SLCO6A1: variants seen among roughly 807,000 people sequenced by gnomAD.
The protein encoded by SLCO6A1 is solute carrier organic anion transporter family member 6A1.
SLCO6A1 carries 65 observed loss-of-function variants against 72.7 expected under a neutral mutation model. That is an observed-to-expected ratio of 0.89 (90% CI 0.73 to 1.10). The LOEUF (loss-of-function observed/expected upper bound fraction) is 1.10. SLCO6A1 is among the 50% of genes least tolerant of loss of function. SLCO6A1 has a pLI of 0.00. For synonymous variants in SLCO6A1, 314 were observed against 298.2 expected (o/e 1.05, Z -0.55); for missense variants, 874 against 872.6 (o/e 1.00, Z -0.02).
At chr5:102,447,294 T>C (rs1329680598) in intron 6 of SLCO6A1, among the ~76,000 whole-genome samples, 1 of 152,194 alleles carries the variant, frequency 6.6e-6, no homozygotes, top group Non-Finnish European at 1.5e-5. Context: ...TGTTTGCATT[T>C]ATGTTCATCA....
At chr5:102,446,761 T>TTTTTTGG (rs1465245297) in intron 6 of SLCO6A1, among the ~76,000 whole-genome samples, 20 of 151,918 alleles carry the variant, frequency 1.3e-4, no homozygotes, top group African/African-American at 4.6e-4. Context: ...ACGTTTTTTG[T>TTTTTTGG]TTTTTGTTTT....
chr5:102,451,312 C>T (rs562276984), intron 6 of SLCO6A1, among the ~76,000 whole-genome samples: 4 of 152,272 alleles, frequency 2.6e-5, no homozygotes, highest in African/African-American at 7.2e-5. Flanking sequence ...GTTGGCTGTG[C>T]TAGCATCCCA....
rs1389211298 is a variant in SLCO6A1, at chr5:102,477,666, T to C, written c.802+10A>G. Reference sequence around the variant, plus strand: ...AATGGGTCAATCGTAATAGAGGGGGTAAAACTTGCCTAAATAGATACCAGC... The same window carrying C: ...AATGGGTCAATCGTAATAGAGGGGGCAAAACTTGCCTAAATAGATACCAGC... On this transcript the variant is annotated intron_variant, in intron 3 of 13. Coordinates refer to ENST00000506729, the MANE Select transcript of SLCO6A1 (RefSeq NM_173488.5). 8 of 1,604,632 alleles carry C rather than the reference T, an allele frequency of 5.0e-6. No homozygotes were observed. In the African/African-American group the frequency reaches 6.7e-5, roughly 13 times the overall value.
intron 1 of SLCO6A1, among the ~76,000 whole-genome samples, chr5:102,485,063 C>T (rs944924228): frequency 2.6e-5 from 4 of 151,730 alleles, no homozygotes; most frequent in African/African-American, 9.7e-5. Flanking sequence ...ACCAGCCTAA[C>T]CAGCATGGAG....
chr5:102,459,795 G>T lies in SLCO6A1; in HGVS notation c.900-18C>A. 61 of 1,338,530 alleles carry T rather than the reference G, an allele frequency of 4.6e-5. No homozygotes were observed. The highest frequency in any genetic ancestry group is 9.1e-5 in the East Asian group (3 of 33,102). The allele number at this position is 1,338,530 out of a possible 1,614,324, so 82.9% of individuals were successfully genotyped here. ...CTGTAGTGCTTTAATAAAGAAAAGT[G>T]AAAAAAAAAAGCAACTTTAGGTATT... On this transcript the variant is annotated intron_variant, in intron 4 of 13. Coordinates refer to ENST00000506729, the MANE Select transcript of SLCO6A1 (RefSeq NM_173488.5).
At chr5:102,408,455 CTG>C (rs1042948734) in intron 9 of SLCO6A1, among the ~76,000 whole-genome samples, 4 of 152,108 alleles carry the variant, frequency 2.6e-5, no homozygotes, top group African/African-American at 9.7e-5. Flanking sequence ...TGAAGATACT[CTG>C]TGAAACCCAA....
chr5:102,436,492 C>T (rs963502293), intron 7 of SLCO6A1, among the ~76,000 whole-genome samples: 2 of 152,206 alleles, frequency 1.3e-5, no homozygotes, highest in African/African-American at 4.8e-5. Context: ...TCACTTTGGA[C>T]TCTGGGTATC....
chr5:102,463,569 A>G (rs1359269834), intron 4 of SLCO6A1, among the ~76,000 whole-genome samples: 1 of 152,212 alleles, frequency 6.6e-6, no homozygotes, highest in East Asian at 1.9e-4. Context: ...TATATACACC[A>G]TGGAATACTA....
intron 4 of SLCO6A1, among the ~76,000 whole-genome samples, chr5:102,460,826 G>T (rs1750986466): frequency 1.3e-5 from 2 of 150,222 alleles, no homozygotes; most frequent in African/African-American, 4.9e-5. Flanking sequence ...TTTGTCTACT[G>T]CTAGCATTAT....
Position 102,383,334 on chromosome 5 carries a change from T to G in SLCO6A1, c.2017+5354A>C, listed in dbSNP as rs562380241. On this transcript the variant is annotated intron_variant, in intron 12 of 13. Transcript: ENST00000506729. ...TCACAACCATGATATTAGGTCTGAG[T>G]AAGTAATATATTTGCTTTATTGTGT... is the stretch of plus-strand genomic sequence containing the variant. Among the ~76,000 whole-genome samples the G allele has an allele frequency of 4.4e-4, 66 of 151,540 alleles. 1 individual carries two copies. The highest frequency in any genetic ancestry group is 8.7e-4 in the Non-Finnish European group (59 of 67,600).
intron 4 of SLCO6A1, among the ~76,000 whole-genome samples, chr5:102,462,440 G>C (rs1751086402): frequency 6.6e-6 from 1 of 152,136 alleles, no homozygotes; most frequent in Admixed American, 6.6e-5. Context: ...GCAAGACTAA[G>C]TAAAAATAAC....
In SLCO6A1 at chr5:102,475,760, G is replaced by T. The variant is rs774281526; in HGVS notation, c.836C>A (p.Ala279Asp). Residue 279 changes from alanine to aspartate, a missense_variant, in exon 4 of 14, where the codon GCT (alanine) becomes GAT (aspartate). Coordinates refer to ENST00000506729, the MANE Select transcript of SLCO6A1 (RefSeq NM_173488.5). Reference protein sequence around the residue: ...IAECTSMIGYALGYVLGAPLV... With the variant: ...IAECTSMIGYDLGYVLGAPLV... ...TGGTGCTCCTAGCACATAACCCAGA[G>T]CATATCCAATCATTGATGTACATTC... The T allele has an allele frequency of 1.4e-5, 22 of 1,608,832 alleles. No individual in the cohort carries two copies. The East Asian group carries it at 4.2e-4, about 31-fold the overall frequency.
chr5:102,397,001 A>T (rs1217678005), intron 10 of SLCO6A1, among the ~76,000 whole-genome samples: 2 of 151,988 alleles, frequency 1.3e-5, no homozygotes, highest in Non-Finnish European at 2.9e-5. Context: ...CAGATTGCCT[A>T]CTCTCTTAAT....
At position 102,463,745 on chromosome 5, in the gene SLCO6A1, G is replaced by A. The variant is rs186075627; in HGVS notation, c.900-3968C>T. 3.2e-4 allele frequency among the ~76,000 whole-genome samples: 48 copies of A among 152,252 alleles called. 1 individual carries two copies. In the East Asian group the frequency reaches 5.2e-3, roughly 17 times the overall value. On this transcript the variant is annotated intron_variant, in intron 4 of 13. Coordinates refer to ENST00000506729, the MANE Select transcript of SLCO6A1 (RefSeq NM_173488.5). ...CTACTGAAAACACAAAATTAGCCGG[G>A]CGTGATGGCGCATGCCTGTAATCCC...
chr5:102,422,152 C>T (rs1303202624), intron 7 of SLCO6A1, among the ~76,000 whole-genome samples: 1 of 152,086 alleles, frequency 6.6e-6, no homozygotes, highest in African/African-American at 2.4e-5. Context: ...TAGATAAATC[C>T]ATAAAGATGA....
intron 4 of SLCO6A1, among the ~76,000 whole-genome samples, chr5:102,469,624 T>A (rs1026529427): frequency 7.9e-5 from 12 of 152,162 alleles, no homozygotes; most frequent in African/African-American, 2.7e-4. Flanking sequence ...TTTGAATTCC[T>A]CTTTTTGTAA....
At chr5:102,484,759 T>A (rs1752366814) in intron 1 of SLCO6A1, among the ~76,000 whole-genome samples, 1 of 152,220 alleles carries the variant, frequency 6.6e-6, no homozygotes. Flanking sequence ...ATGTTATACA[T>A]CAGAAATTTT....
At chr5:102,459,205 T>G (rs1340191612) in intron 5 of SLCO6A1, among the ~76,000 whole-genome samples, 1 of 151,818 alleles carries the variant, frequency 6.6e-6, no homozygotes, top group Non-Finnish European at 1.5e-5. Flanking sequence ...AGGCCAGGAG[T>G]TTAAGACTAG....
In SLCO6A1 at chr5:102,373,381, C is replaced by T; in HGVS notation, c.2131G>A (p.Val711Ile). 1 of 1,569,264 alleles carries T rather than the reference C, an allele frequency of 6.4e-7. No homozygotes were observed. The highest frequency in any genetic ancestry group is 8.6e-7 in the Non-Finnish European group (1 of 1,162,210). Residue 711 changes from valine to isoleucine, a missense_variant, in exon 13 of 14, where the codon GTT becomes ATT. Transcript: ENST00000506729. ...FPDVTVKNPK[V>I]KKKEETDL ...AAGTCAGTTTCTTCTTTTTTCTTAA[C>T]TTTTGGATTCTTCACAGTTACATCT... is the stretch of plus-strand genomic sequence containing the variant.
Sources: allele counts gnomAD v4.1 joint callset (sites outside exome capture counted in the v4.1 genomes callset), GRCh38; gene constraint gnomAD v4.1.1; transcripts MANE v1.5; gene names NCBI Gene and HGNC (gene_info 2026-07-23, HGNC 2026-07-21).